Variants in DLG2 observed in about 807,000 individuals in gnomAD.
DLG2 encodes disks large homolog 2.
In DLG2, 45 loss-of-function variants were observed where a neutral mutation model predicts 132.5. The observed-to-expected ratio is 0.34, with a 90% CI of 0.27 to 0.44. The LOEUF is 0.44. DLG2 is among the 20% of genes least tolerant of loss of function. DLG2 has a pLI of 1.00. For missense variants in DLG2, 1,045 were observed against 1,196.9 expected (o/e 0.87, Z 1.87); for synonymous variants, 424 against 419.6 (o/e 1.01, Z -0.13).
At chr11:83,517,037 A>G (rs2095319450) in intron 21 of DLG2, among the ~76,000 whole-genome samples, 2 of 152,020 alleles carry the variant, frequency 1.3e-5, no homozygotes, top group Admixed American at 6.6e-5. Context: ...TCTTTGTGGC[A>G]TTCTCTGTAT....
At chr11:84,484,157 G>A (rs1322699372) in intron 7 of DLG2, among the ~76,000 whole-genome samples, 1 of 151,946 alleles carries the variant, frequency 6.6e-6, no homozygotes, top group East Asian at 1.9e-4. Context: ...TTAAACTTAG[G>A]TATAGCAATT....
At chr11:84,182,924 TGGTCATTAAA>T (rs903371714) in intron 8 of DLG2, among the ~76,000 whole-genome samples, 2 of 152,154 alleles carry the variant, frequency 1.3e-5, no homozygotes, top group Non-Finnish European at 2.9e-5. Flanking sequence ...ACAGATTCCA[TGGTCATTAAA>T]AGGATAATAA....
intron 6 of DLG2, among the ~76,000 whole-genome samples, chr11:84,710,208 G>T (rs746036478): frequency 3.9e-5 from 6 of 151,962 alleles, no homozygotes; most frequent in Non-Finnish European, 7.4e-5. Flanking sequence ...AATCTGCTTT[G>T]TGAGTTGTTT....
chr11:84,790,257 T>C (rs187377642), intron 6 of DLG2, among the ~76,000 whole-genome samples: 1 of 152,208 alleles, frequency 6.6e-6, no homozygotes, highest in African/African-American at 2.4e-5. Flanking sequence ...TGTTATTGCC[T>C]GCCTTTTGGA....
intron 6 of DLG2, among the ~76,000 whole-genome samples, chr11:85,104,399 T>C (rs2071352070): frequency 6.6e-6 from 1 of 151,854 alleles, no homozygotes; most frequent in Admixed American, 6.6e-5. Flanking sequence ...AAATAATGGA[T>C]GGTACAACAT....
In DLG2 at chr11:84,582,148, A is replaced by T. The variant is rs549093188; in HGVS notation, c.358-47417T>A. ...ACTATAGCTTTCAATTCTATCTGAC[A>T]AGCTGAATTTGAATGAATAAATACT... On this transcript the variant is annotated intron_variant, in intron 6 of 27. Transcript: ENST00000376104. Among the ~76,000 whole-genome samples, 5 of 151,940 alleles carry T rather than the reference A, an allele frequency of 3.3e-5. 1 individual carries two copies. The South Asian group carries it at 1.0e-3, about 31-fold the overall frequency.
intron 7 of DLG2, among the ~76,000 whole-genome samples, chr11:84,276,104 CT>C (rs2154367383): frequency 6.6e-6 from 1 of 152,270 alleles, no homozygotes; most frequent in East Asian, 1.9e-4. Context: ...AAACTAATAG[CT>C]TCCTATTCTT....
At chr11:85,617,426 C>A (rs1020087554) in intron 2 of DLG2, among the ~76,000 whole-genome samples, 1 of 152,352 alleles carries the variant, frequency 6.6e-6, no homozygotes, top group South Asian at 2.1e-4. Context: ...GTTTTCTTGA[C>A]AAAGAGCGTT....
Position 84,357,896 on chromosome 11 carries a change from G to A in DLG2, c.520-106605C>T, listed in dbSNP as rs560514537. Among the ~76,000 whole-genome samples, 10 of 151,650 alleles carry A rather than the reference G, an allele frequency of 6.6e-5. 1 individual carries two copies. Among genetic ancestry groups the A allele is most frequent in the Non-Finnish European group, 1.3e-4 (9 of 67,894 alleles). On this transcript the variant is annotated intron_variant, in intron 7 of 27. Coordinates refer to ENST00000376104, the MANE Select transcript of DLG2 (RefSeq NM_001142699.3). ...CTCAAATTTCTTAATGTACAGGAGG[G>A]TTATTGTAATAATTTTCTAGAAGTT...
chr11:83,599,805 C>T (rs1256398100), intron 19 of DLG2, among the ~76,000 whole-genome samples: 1 of 152,178 alleles, frequency 6.6e-6, no homozygotes, highest in Non-Finnish European at 1.5e-5. Context: ...TATCTGTAAC[C>T]TACAGTGAGT....
At chr11:85,368,879 C>T (rs1300938697) in intron 3 of DLG2, among the ~76,000 whole-genome samples, 1 of 152,226 alleles carries the variant, frequency 6.6e-6, no homozygotes, top group Non-Finnish European at 1.5e-5. Flanking sequence ...AGACTGACCC[C>T]TTTTCTTCCT....
chr11:83,487,942 G>A (rs973863372), intron 21 of DLG2, among the ~76,000 whole-genome samples: 1 of 151,894 alleles, frequency 6.6e-6, no homozygotes, highest in Admixed American at 6.6e-5. Flanking sequence ...ATTGGGAAGT[G>A]GCAGCCAAGG....
At chr11:85,313,334 C>G (rs2080435191) in intron 3 of DLG2, among the ~76,000 whole-genome samples, 1 of 151,904 alleles carries the variant, frequency 6.6e-6, no homozygotes, top group South Asian at 2.1e-4. Context: ...AACTACCTAA[C>G]CATGTACAGT....
At chr11:84,624,461 T>C (rs1355854677) in intron 6 of DLG2, among the ~76,000 whole-genome samples, 1 of 152,176 alleles carries the variant, frequency 6.6e-6, no homozygotes, top group Non-Finnish European at 1.5e-5. Context: ...ATTTATATTA[T>C]TTTTATTATC....
intron 7 of DLG2, among the ~76,000 whole-genome samples, chr11:84,281,381 A>G (rs1185234253): frequency 6.6e-6 from 1 of 152,152 alleles, no homozygotes; most frequent in Non-Finnish European, 1.5e-5. Flanking sequence ...ATACTTACAA[A>G]TCATACATCT....
chr11:85,076,052 T>C (rs2066500202), intron 6 of DLG2, among the ~76,000 whole-genome samples: 1 of 151,966 alleles, frequency 6.6e-6, no homozygotes, highest in South Asian at 2.1e-4. Context: ...TGAATTTATT[T>C]ACTCACACAT....
chr11:83,838,868 C>T (rs74360166), intron 16 of DLG2, among the ~76,000 whole-genome samples: 2,682 of 151,672 alleles, frequency 0.018, 95 homozygotes, highest in African/African-American at 0.062. Context: ...ATACTCCTAT[C>T]AAAAATGGGA....
chr11:84,539,420 G>T (rs751573992), intron 6 of DLG2, among the ~76,000 whole-genome samples: 17 of 152,230 alleles, frequency 1.1e-4, no homozygotes, highest in Middle Eastern at 3.4e-3. Context: ...TCATTCCAAG[G>T]CTTGTCTGGT....
chr11:83,583,716 T>C (rs1254562471), intron 19 of DLG2, among the ~76,000 whole-genome samples: 1 of 152,220 alleles, frequency 6.6e-6, no homozygotes, highest in Non-Finnish European at 1.5e-5. Flanking sequence ...ACAAGAACCT[T>C]TAACTATTCT....
Sources: allele counts gnomAD v4.1 joint callset (sites outside exome capture counted in the v4.1 genomes callset), GRCh38; gene constraint gnomAD v4.1.1; transcripts MANE v1.5; gene names NCBI Gene and HGNC (gene_info 2026-07-23, HGNC 2026-07-21).